The following LGSN variants were observed in gnomAD, a reference collection of about 807,000 sequenced individuals.
LGSN encodes lengsin.
A neutral mutation model predicts 19.5 loss-of-function variants in LGSN; 21 were observed. That is an observed-to-expected ratio of 1.07 (90% CI 0.76 to 1.55). LGSN has a LOEUF of 1.55. LGSN is among the 40% of genes most tolerant of loss of function. The pLI, the probability that LGSN is intolerant of heterozygous loss-of-function variation, is 0.00. For missense variants in LGSN, 673 were observed against 608.5 expected, an observed-to-expected ratio of 1.11 and a Z score of -1.12; for synonymous variants, 257 against 215.6, an observed-to-expected ratio of 1.19 and a Z score of -1.68.
the LGSN span, among the ~76,000 whole-genome samples, chr6:63,502,599 T>C: frequency 5.9e-5 from 9 of 152,362 alleles, no homozygotes; most frequent in East Asian, 1.7e-3. Context: ...AGATGGAATG[T>C]GACAAGCAAT....
chr6:63,310,034 A>G (rs914622951), intron 1 of LGSN, among the ~76,000 whole-genome samples: 5 of 152,214 alleles, frequency 3.3e-5, no homozygotes, highest in Admixed American at 3.3e-4. Flanking sequence ...TGCATAATCC[A>G]GGCTCTCAAC....
At position 63,281,209 on chromosome 6, in the gene LGSN, G is replaced by A; in HGVS notation, c.342C>T (p.Ser114=). 2.6e-6 allele frequency: 4 copies of A among 1,544,104 alleles called. No homozygotes were observed. The highest frequency in any genetic ancestry group is 3.5e-6 in the Non-Finnish European group (4 of 1,143,944). ...AACCTCGGGGCATGCAAACACCATG[G>A]CTCACTTTCTCCTAAAGAAGGAAAA... ...IPAHFFQEKV[S]HGVCMPRGYL... is the part of the protein sequence containing the mutation. The change falls in exon 4 of 4, where the codon AGC becomes AGT. Residue 114 remains serine, a synonymous_variant. Coordinates refer to ENST00000370657, the MANE Select transcript of LGSN (RefSeq NM_016571.3).
chr6:63,572,489 C>T, the LGSN span: 1 of 390,046 alleles, frequency 2.6e-6, no homozygotes, highest in East Asian at 3.7e-5. Flanking sequence ...CGCCTCGGCG[C>T]GTGTATTGGC....
At chr6:63,372,038 T>A in the LGSN span, among the ~76,000 whole-genome samples, 1 of 152,236 alleles carries the variant, frequency 6.6e-6, no homozygotes, top group Non-Finnish European at 1.5e-5. Context: ...TTCCTTGAGT[T>A]TGTTGACTTT....
At chr6:63,434,341 G>A in the LGSN span, among the ~76,000 whole-genome samples, 1 of 151,216 alleles carries the variant, frequency 6.6e-6, no homozygotes, top group Non-Finnish European at 1.5e-5. Context: ...TCTGGAGGCT[G>A]AGGCAGGAGA....
the LGSN span, chr6:63,527,727 A>G: frequency 6.6e-6 from 1 of 152,206 alleles, no homozygotes; most frequent in Non-Finnish European, 1.5e-5. Context: ...GCTCTTTCAC[A>G]TACATTGCAT....
chr6:63,369,963 C>T, the LGSN span, among the ~76,000 whole-genome samples: 3 of 152,090 alleles, frequency 2.0e-5, no homozygotes, highest in South Asian at 2.1e-4. Flanking sequence ...GATCAGGCCA[C>T]TGCACTCCAG....
the LGSN span, among the ~76,000 whole-genome samples, chr6:63,366,632 G>A: frequency 2.0e-5 from 3 of 152,056 alleles, no homozygotes; most frequent in Non-Finnish European, 4.4e-5. Flanking sequence ...GCATTGCCAA[G>A]ACAATCCTAA....
chr6:63,378,600 C>T, the LGSN span, among the ~76,000 whole-genome samples: 1 of 152,160 alleles, frequency 6.6e-6, no homozygotes. Context: ...GCCACTTCCA[C>T]TCATGGGGAA....
At chr6:63,326,179 A>T in the LGSN span, among the ~76,000 whole-genome samples, 2 of 151,412 alleles carry the variant, frequency 1.3e-5, no homozygotes, top group Admixed American at 1.3e-4. Context: ...AGCTAGACAC[A>T]AGGTGCTGAT....
chr6:63,561,338 C>T, the LGSN span, among the ~76,000 whole-genome samples: 1 of 152,142 alleles, frequency 6.6e-6, no homozygotes, highest in Non-Finnish European at 1.5e-5. Context: ...ATACCCAACA[C>T]ATAGTAAGCA....
the LGSN span, chr6:63,572,062 G>A: frequency 6.6e-6 from 1 of 152,236 alleles, no homozygotes; most frequent in African/African-American, 2.4e-5. Context: ...ACTGAGACGC[G>A]GTTCCAGCCC....
the LGSN span, among the ~76,000 whole-genome samples, chr6:63,500,875 G>A: frequency 7.9e-5 from 12 of 152,032 alleles, no homozygotes; most frequent in East Asian, 3.9e-4. Context: ...TTAGAGGCAC[G>A]TGCCACCAGG....
the LGSN span, among the ~76,000 whole-genome samples, chr6:63,519,229 C>T: frequency 0.035 from 5,390 of 151,968 alleles, 130 homozygotes; most frequent in Middle Eastern, 0.068. Context: ...ATCACTGAAA[C>T]CTGGGAGGCA....
chr6:63,429,538 C>T, the LGSN span, among the ~76,000 whole-genome samples: 5 of 152,012 alleles, frequency 3.3e-5, no homozygotes, highest in African/African-American at 9.7e-5. Context: ...GAGTTCGAGA[C>T]GAGCCTGGCC....
the LGSN span, among the ~76,000 whole-genome samples, chr6:63,424,836 C>T: frequency 6.6e-6 from 1 of 151,974 alleles, no homozygotes; most frequent in Admixed American, 6.6e-5. Context: ...CTCTTGAGTG[C>T]AGGAGTTCAA....
the LGSN span, among the ~76,000 whole-genome samples, chr6:63,556,949 C>T: frequency 6.6e-6 from 1 of 152,168 alleles, no homozygotes; most frequent in East Asian, 1.9e-4. Flanking sequence ...GATCCTATTC[C>T]TCAGGGTTTC....
the LGSN span, among the ~76,000 whole-genome samples, chr6:63,408,262 C>T: frequency 3.3e-5 from 5 of 151,526 alleles, no homozygotes; most frequent in Middle Eastern, 0.01. Flanking sequence ...AGGCATAACA[C>T]TACCTGACTT....
At chr6:63,455,535 A>G in the LGSN span, among the ~76,000 whole-genome samples, 1 of 152,092 alleles carries the variant, frequency 6.6e-6, no homozygotes. Flanking sequence ...CGGATGGATC[A>G]CCTGGGGTCA....
Sources: allele counts gnomAD v4.1 joint callset (sites outside exome capture counted in the v4.1 genomes callset), GRCh38; gene constraint gnomAD v4.1.1; transcripts MANE v1.5; gene names NCBI Gene and HGNC (gene_info 2026-07-23, HGNC 2026-07-21).